PTPRD: variants seen among roughly 807,000 people sequenced by gnomAD.
The protein encoded by PTPRD is protein tyrosine phosphatase receptor type D, also known as receptor-type tyrosine-protein phosphatase delta.
Under a neutral mutation model 214.5 loss-of-function variants are expected in PTPRD, and 34 were observed. The observed-to-expected ratio is 0.16, with a 90% confidence interval of 0.12 to 0.21. PTPRD has a LOEUF of 0.21. Ranked by LOEUF, PTPRD falls within the 10% of genes least tolerant of loss-of-function variation. The pLI, the probability that PTPRD is intolerant of heterozygous loss-of-function variation, is 1.00. For missense variants in PTPRD, 2,545 were observed against 2,398.7 expected, an observed-to-expected ratio of 1.06 and a Z score of -1.27; for synonymous variants, 1,128 against 845.7, an observed-to-expected ratio of 1.33 and a Z score of -5.79.
At chr9:9,088,264 T>C (rs1022844282) in intron 10 of PTPRD, among the ~76,000 whole-genome samples, 1 of 151,640 alleles carries the variant, frequency 6.6e-6, no homozygotes, top group African/African-American at 2.4e-5. Context: ...TTTTAAAAGC[T>C]GTTAAGGAAG....
At chr9:8,664,568 A>G (rs377664638) in intron 12 of PTPRD, among the ~76,000 whole-genome samples, 2 of 152,130 alleles carry the variant, frequency 1.3e-5, no homozygotes, top group East Asian at 3.9e-4. Context: ...TGAAAGTTAC[A>G]CCTGCCAGTC....
chr9:10,274,746 T>C (rs550931762), intron 3 of PTPRD, among the ~76,000 whole-genome samples: 1 of 152,288 alleles, frequency 6.6e-6, no homozygotes, highest in African/African-American at 2.4e-5. Flanking sequence ...CATTTAAATA[T>C]TTTAAAATAA....
In PTPRD at chr9:9,684,086, T is replaced by C. The variant is rs577404319; in HGVS notation, c.-287+50447A>G. On this transcript the variant is annotated intron_variant, in intron 7 of 45. Coordinates refer to ENST00000381196, the MANE Select transcript of PTPRD (RefSeq NM_002839.4). ...AAGCAGTGAAGGCCAGATACTCGAATCATTTTGAAGTGGCCACTTACACCT... is the reference window on the plus strand; with the variant it reads ...AAGCAGTGAAGGCCAGATACTCGAACCATTTTGAAGTGGCCACTTACACCT... Among the ~76,000 whole-genome samples the C allele has an allele frequency of 9.2e-5, 14 of 151,654 alleles. No homozygotes were observed. The South Asian group carries it at 2.9e-3, about 31-fold the overall frequency.
intron 11 of PTPRD, among the ~76,000 whole-genome samples, chr9:8,822,741 G>C (rs1031267464): frequency 6.6e-6 from 1 of 152,098 alleles, no homozygotes; most frequent in Non-Finnish European, 1.5e-5. Context: ...CAGAGATTAA[G>C]CAATTTGCCC....
At chr9:9,378,768 G>A (rs1238263483) in intron 9 of PTPRD, among the ~76,000 whole-genome samples, 1 of 152,042 alleles carries the variant, frequency 6.6e-6, no homozygotes. Flanking sequence ...GACATATACT[G>A]TGAATCACCT....
intron 10 of PTPRD, among the ~76,000 whole-genome samples, chr9:9,093,382 A>T (rs2154433405): frequency 6.6e-6 from 1 of 152,218 alleles, no homozygotes; most frequent in African/African-American, 2.4e-5. Context: ...CAGACTACAT[A>T]GTTTATTCAA....
At chr9:10,408,336 T>G (rs1366289725) in intron 2 of PTPRD, among the ~76,000 whole-genome samples, 1 of 151,556 alleles carries the variant, frequency 6.6e-6, no homozygotes, top group African/African-American at 2.4e-5. Context: ...AAATTTGGAG[T>G]TAGCCTGCTA....
At chr9:10,479,843 C>G (rs148598037) in intron 2 of PTPRD, among the ~76,000 whole-genome samples, 2 of 151,924 alleles carry the variant, frequency 1.3e-5, no homozygotes, top group African/African-American at 4.8e-5. Context: ...AACCGCGGAG[C>G]TGTGGTGCTG....
chr9:9,651,998 C>T (rs546737737), intron 7 of PTPRD, among the ~76,000 whole-genome samples: 140 of 151,650 alleles, frequency 9.2e-4, no homozygotes, highest in African/African-American at 3.3e-3. Context: ...CCAGGCCTGG[C>T]TAATTTTTGT....
At chr9:9,203,447 T>A (rs574762134) in intron 9 of PTPRD, among the ~76,000 whole-genome samples, 1 of 152,266 alleles carries the variant, frequency 6.6e-6, no homozygotes, top group African/African-American at 2.4e-5. Flanking sequence ...GTTTTTCACA[T>A]CATCATCTAT....
At chr9:9,358,838 G>C (rs887774281) in intron 9 of PTPRD, among the ~76,000 whole-genome samples, 6 of 151,224 alleles carry the variant, frequency 4.0e-5, no homozygotes, top group Non-Finnish European at 7.4e-5. Flanking sequence ...TCGCATTCTT[G>C]TATAGGAAAC....
intron 2 of PTPRD, among the ~76,000 whole-genome samples, chr9:10,380,457 C>A (rs138857658): frequency 7.5e-4 from 114 of 152,040 alleles, no homozygotes; most frequent in African/African-American, 2.6e-3. Context: ...AGCTTCTTTG[C>A]ATCAGAAAGG....
chr9:8,440,807 T>C (rs1331508908), intron 34 of PTPRD, among the ~76,000 whole-genome samples: 1 of 152,166 alleles, frequency 6.6e-6, no homozygotes, highest in Non-Finnish European at 1.5e-5. Context: ...GTGACTTCCT[T>C]ATAAGAAGTA....
chr9:8,924,603 G>C (rs1423404796), intron 11 of PTPRD, among the ~76,000 whole-genome samples: 1 of 151,990 alleles, frequency 6.6e-6, no homozygotes, highest in African/African-American at 2.4e-5. Context: ...CACCTCCCTA[G>C]ACAGATGAGT....
chr9:10,494,543 A>T (rs1005834525), intron 2 of PTPRD, among the ~76,000 whole-genome samples: 2 of 151,462 alleles, frequency 1.3e-5, no homozygotes, highest in Non-Finnish European at 1.5e-5. Flanking sequence ...AAGATGGTTT[A>T]AATTCCAGCA....
At position 9,814,280 on chromosome 9, in the gene PTPRD, G is replaced by A. The variant is rs537948756; in HGVS notation, c.-367-47429C>T. Among the ~76,000 whole-genome samples the A allele has an allele frequency of 3.4e-5, 5 of 146,368 alleles. No individual in the cohort carries two copies. The South Asian group carries it at 8.7e-4, about 25-fold the overall frequency. The stretch of plus-strand genomic sequence containing the variant: ...TACCACTTCTATTCGATGTAATAAC[G>A]TCCTAACCTGAGCAATTAGGTAAGA... On this transcript the variant is annotated intron_variant, in intron 5 of 45. Coordinates refer to ENST00000381196, the MANE Select transcript of PTPRD (RefSeq NM_002839.4).
chr9:10,556,159 T>C (rs1054706417), intron 2 of PTPRD, among the ~76,000 whole-genome samples: 1 of 152,156 alleles, frequency 6.6e-6, no homozygotes, highest in African/African-American at 2.4e-5. Context: ...CTCAATAGTA[T>C]TTTTGTAGTA....
intron 33 of PTPRD, among the ~76,000 whole-genome samples, chr9:8,456,423 G>C (rs947122259): frequency 5.3e-5 from 8 of 152,102 alleles, no homozygotes; most frequent in Admixed American, 1.3e-4. Context: ...AGGATGAGTT[G>C]GAGTTATCCA....
intron 11 of PTPRD, among the ~76,000 whole-genome samples, chr9:8,792,072 A>T (rs920964198): frequency 4.6e-5 from 7 of 152,180 alleles, no homozygotes; most frequent in Non-Finnish European, 8.8e-5. Context: ...AAAAAGCTGA[A>T]ATAGTTCGTT....
Sources: allele counts gnomAD v4.1 joint callset (sites outside exome capture counted in the v4.1 genomes callset), GRCh38; gene constraint gnomAD v4.1.1; transcripts MANE v1.5; gene names NCBI Gene and HGNC (gene_info 2026-07-23, HGNC 2026-07-21).